PLCB4: variants seen among roughly 807,000 people sequenced by gnomAD.
PLCB4 encodes phospholipase C beta 4.
In PLCB4, 77 loss-of-function variants were observed where a neutral mutation model predicts 178.8. The ratio of observed to expected loss-of-function variants is 0.43; its 90% CI spans 0.36 to 0.52. PLCB4 has a LOEUF of 0.52. PLCB4 is among the 20% of genes least tolerant of loss of function. PLCB4 has a pLI of 0.00. For synonymous variants in PLCB4, 496 were observed against 490.8 expected (o/e 1.01, Z -0.14); for missense variants, 1,024 against 1,453.4 (o/e 0.70, Z 4.80).
At chr20:9,296,950 TATAC>T (rs1216135845) in intron 3 of PLCB4, among the ~76,000 whole-genome samples, 1 of 152,078 alleles carries the variant, frequency 6.6e-6, no homozygotes, top group Non-Finnish European at 1.5e-5. Flanking sequence ...ATGGCACATG[TATAC>T]ATATGTAACT....
At chr20:9,465,644 A>G (rs932071040) in intron 35 of PLCB4, among the ~76,000 whole-genome samples, 1 of 152,230 alleles carries the variant, frequency 6.6e-6, no homozygotes, top group Admixed American at 6.5e-5. Flanking sequence ...CCAATGACAG[A>G]CAACCAGAGA....
At chr20:9,452,595 C>G (rs996277993) in intron 32 of PLCB4, among the ~76,000 whole-genome samples, 2 of 152,114 alleles carry the variant, frequency 1.3e-5, no homozygotes, top group Admixed American at 1.3e-4. Context: ...AGCTAAATGC[C>G]TTTTTCATTG....
chr20:9,472,949 T>C (rs2044285408), intron 37 of PLCB4, 102 bp downstream of exon 37: 14 of 676,806 alleles, frequency 2.1e-5, no homozygotes. Context: ...ATTTGATTTT[T>C]CTGTACATTA....
chr20:9,362,704 G>T (rs986980887), intron 7 of PLCB4, among the ~76,000 whole-genome samples, 192 bp from the exon 8 acceptor site: 38 of 152,172 alleles, frequency 2.5e-4, no homozygotes, highest in Non-Finnish European at 7.3e-5. Context: ...TGTCTTCATG[G>T]AAAGAATGAA....
chr20:9,393,744 G>T, intron 18 of PLCB4, 66 bp downstream of exon 18: 1 of 1,083,594 alleles, frequency 9.2e-7, no homozygotes, highest in Non-Finnish European at 1.4e-6. Context: ...CAGCTGTTGA[G>T]AATTCAATTT....
rs559189975 is a variant in PLCB4 at position 9,386,347 on chromosome 20, A to G, written c.1065-1116A>G. Among the ~76,000 whole-genome samples, 49 of 152,366 alleles carry G rather than the reference A, an allele frequency of 3.2e-4. 1 individual carries two copies. The highest frequency in any genetic ancestry group is 1.1e-3 in the African/African-American group (46 of 41,588). ...ATTTAGTTCTCTGAGAGTAGAAATT[A>G]TTAAAATCGTTTTTGTTTTATAGAA... is the stretch of plus-strand genomic sequence containing the variant. On this transcript the variant is annotated intron_variant, in intron 14 of 39. Coordinates refer to ENST00000378473, the MANE Select transcript of PLCB4 (RefSeq NM_001377142.1).
intron 4 of PLCB4, among the ~76,000 whole-genome samples, chr20:9,312,274 A>G (rs2094843318): frequency 6.6e-6 from 1 of 151,588 alleles, no homozygotes; most frequent in African/African-American, 2.4e-5. Flanking sequence ...ATCTGAGTCC[A>G]GCTGCCTAGA....
At chr20:9,307,537 A>ACACACACG (rs2094785217) in intron 3 of PLCB4, among the ~76,000 whole-genome samples, 1 of 132,406 alleles carries the variant, frequency 7.6e-6, no homozygotes, top group African/African-American at 2.6e-5. Context: ...ACACACACAC[A>ACACACACG]CACACACACA....
intron 6 of PLCB4, 46 bp downstream of exon 6, chr20:9,338,113 A>G: frequency 7.9e-7 from 1 of 1,271,776 alleles, no homozygotes; most frequent in Admixed American, 1.7e-5. Context: ...ATTTACTTAT[A>G]TTGGAAATGG....
chr20:9,074,369 A>G (rs1450237904), intron 1 of PLCB4, among the ~76,000 whole-genome samples: 2 of 152,150 alleles, frequency 1.3e-5, no homozygotes, highest in Non-Finnish European at 2.9e-5. Context: ...GGCCAGGAAA[A>G]TCATTACTTT....
chr20:9,372,808 A>C (rs2036365678), intron 11 of PLCB4, among the ~76,000 whole-genome samples: 1 of 152,098 alleles, frequency 6.6e-6, no homozygotes, highest in Admixed American at 6.5e-5. Flanking sequence ...CGGTAAAAAA[A>C]AAAAAAAATT....
At chr20:9,360,555 GCATCC>G (rs1568651262) in intron 7 of PLCB4, among the ~76,000 whole-genome samples, 3 of 151,602 alleles carry the variant, frequency 2.0e-5, no homozygotes, top group Non-Finnish European at 4.4e-5. Flanking sequence ...TTGAGAAAAT[GCATCC>G]CAGTTAATGC....
chr20:9,122,250 A>C (rs545642652), intron 2 of PLCB4, among the ~76,000 whole-genome samples: 7 of 152,324 alleles, frequency 4.6e-5, no homozygotes, highest in African/African-American at 1.4e-4. Flanking sequence ...ACCACACACA[A>C]AAATTACTAT....
chr20:9,321,176 G>C (rs2094955035), intron 4 of PLCB4, among the ~76,000 whole-genome samples: 1 of 152,160 alleles, frequency 6.6e-6, no homozygotes, highest in South Asian at 2.1e-4. Context: ...TAAACCCTCA[G>C]GTGGTGGTGA....
At chr20:9,270,205 AAC>A (rs2094389158) in intron 3 of PLCB4, among the ~76,000 whole-genome samples, 1 of 152,186 alleles carries the variant, frequency 6.6e-6, no homozygotes, top group Non-Finnish European at 1.5e-5. Context: ...AAAAGGTACA[AAC>A]AGTAAAATTC....
chr20:9,448,955 G>A (rs1049847861), intron 32 of PLCB4, among the ~76,000 whole-genome samples: 2 of 151,990 alleles, frequency 1.3e-5, no homozygotes, highest in Non-Finnish European at 2.9e-5. Flanking sequence ...GAAAAGATGG[G>A]GGTAACGACC....
At chr20:9,163,760 A>T (rs1469058913) in intron 2 of PLCB4, among the ~76,000 whole-genome samples, 1 of 152,040 alleles carries the variant, frequency 6.6e-6, no homozygotes, top group Non-Finnish European at 1.5e-5. Flanking sequence ...TTTTTACATG[A>T]TCATGATTTA....
chr20:9,321,937 CT>C (rs1178374160), intron 4 of PLCB4, among the ~76,000 whole-genome samples: 1 of 129,870 alleles, frequency 7.7e-6, no homozygotes, highest in Non-Finnish European at 1.5e-5. Flanking sequence ...CCTGGCCTTT[CT>C]TTTTTTTCTT....
intron 7 of PLCB4, among the ~76,000 whole-genome samples, chr20:9,362,157 A>T (rs780610646): frequency 3.3e-5 from 5 of 152,184 alleles, no homozygotes; most frequent in African/African-American, 1.2e-4. Flanking sequence ...TGATTCTTCT[A>T]TGGCATTCAT....
Sources: gnomAD v4.1 joint callset for allele counts (sites outside exome capture counted in the v4.1 genomes callset) on GRCh38, gnomAD v4.1.1 for gene constraint, MANE v1.5 for transcripts, NCBI Gene and HGNC (gene_info 2026-07-23, HGNC 2026-07-21) for gene names.